Variants in FBXW4 observed in about 807,000 individuals in gnomAD.
FBXW4 encodes F-box and WD repeat domain containing 4.
Under a neutral mutation model 61.8 loss-of-function variants are expected in FBXW4, and 40 were observed. The observed-to-expected ratio is 0.65, with a 90% CI of 0.50 to 0.84. The LOEUF is 0.84. Among genes scored for constraint, FBXW4 ranks in the 40% least tolerant of loss-of-function variants. FBXW4 has a pLI of 0.00. For missense variants in FBXW4, 672 were observed against 753.8 expected, an observed-to-expected ratio of 0.89 and a Z score of 1.27; for synonymous variants, 311 against 313.8, an observed-to-expected ratio of 0.99 and a Z score of 0.10.
chr10:101,657,989 C>G (rs1198736920), intron 5 of FBXW4, among the ~76,000 whole-genome samples: 2 of 152,172 alleles, frequency 1.3e-5, no homozygotes, highest in African/African-American at 2.4e-5. Context: ...GGAAAATTCC[C>G]TAGCTCTTAA....
intron 5 of FBXW4, among the ~76,000 whole-genome samples, chr10:101,656,027 C>T (rs2064182168): frequency 6.6e-6 from 1 of 152,198 alleles, no homozygotes; most frequent in Non-Finnish European, 1.5e-5. Flanking sequence ...CACATCTCAG[C>T]TTTTTCTTCA....
At chr10:101,615,395 G>A (rs887506788) in intron 6 of FBXW4, among the ~76,000 whole-genome samples, 3 of 152,014 alleles carry the variant, frequency 2.0e-5, no homozygotes, top group South Asian at 2.1e-4. Flanking sequence ...AGCCTCCGCC[G>A]AGTCAAGTCC....
At chr10:101,639,640 A>C (rs563755375) in intron 5 of FBXW4, among the ~76,000 whole-genome samples, 1 of 152,348 alleles carries the variant, frequency 6.6e-6, no homozygotes, top group East Asian at 1.9e-4. Flanking sequence ...CAGCTGACCC[A>C]AAACTGGCCT....
intron 5 of FBXW4, among the ~76,000 whole-genome samples, chr10:101,650,003 C>G (rs1325238626): frequency 6.6e-6 from 1 of 152,160 alleles, no homozygotes; most frequent in African/African-American, 2.4e-5. Context: ...CAGACCACAC[C>G]CAGGCTGAGG....
At chr10:101,673,147 A>C in intron 3 of FBXW4, 100 bp from the exon 4 acceptor site, 1 of 1,450,726 alleles carries the variant, frequency 6.9e-7, no homozygotes, top group Non-Finnish European at 9.2e-7. Context: ...GTGACATCCA[A>C]ATTTGCTAAG....
intron 5 of FBXW4, chr10:101,659,991 G>T: frequency 4.8e-6 from 3 of 620,280 alleles, no homozygotes; most frequent in Non-Finnish European, 4.0e-6. Flanking sequence ...TCTTAGAATA[G>T]TCTGTCCCCG....
At chr10:101,615,227 G>T (rs928695168) in intron 6 of FBXW4, among the ~76,000 whole-genome samples, 1 of 152,148 alleles carries the variant, frequency 6.6e-6, no homozygotes, top group African/African-American at 2.4e-5. Flanking sequence ...CACAGCTTGT[G>T]TGGGAACAGG....
Position 101,662,234 on chromosome 10 carries a change from C to T in FBXW4, c.1235+5652G>A, listed in dbSNP as rs531780371. ...ACCACACACACAACACACAGTAAACCCTGTAGCTACTGGGAACAAACACCC... is the reference window on the plus strand; with the variant it reads ...ACCACACACACAACACACAGTAAACTCTGTAGCTACTGGGAACAAACACCC... On this transcript the variant is annotated intron_variant, in intron 5 of 8. Coordinates refer to ENST00000331272, the MANE Select transcript of FBXW4 (RefSeq NM_022039.4). Among the ~76,000 whole-genome samples, 6 of 152,294 alleles carry T rather than the reference C, an allele frequency of 3.9e-5. No individual in the cohort carries two copies. The East Asian group carries it at 9.6e-4, about 24-fold the overall frequency.
At chr10:101,655,734 A>G (rs1208125348) in intron 5 of FBXW4, among the ~76,000 whole-genome samples, 1 of 152,232 alleles carries the variant, frequency 6.6e-6, no homozygotes, top group African/African-American at 2.4e-5. Context: ...GGAGAAAGAG[A>G]CAGTGAGTCT....
At chr10:101,672,479 G>A (rs558094115) in intron 4 of FBXW4, among the ~76,000 whole-genome samples, 4 of 152,338 alleles carry the variant, frequency 2.6e-5, no homozygotes, top group Admixed American at 2.0e-4. Context: ...CAGAGAAGCA[G>A]TGAAAACACA....
In FBXW4 at chr10:101,694,422, C is replaced by T; in HGVS notation, c.684G>A (p.Arg228=). The part of the protein sequence containing the change: ...SCDLLWRRIA[R]ASLNSGFTRL... ...GCGTGAAGCCGGAGTTGAGCGAGGC[C>T]CGGGCTATCCGGCGCCAGAGCAGAT... The change falls in exon 1 of 9, where the codon CGG becomes CGA. Residue 228 remains arginine (R), a synonymous_variant. Transcript: ENST00000331272. This position sits in a 1 kb window ranked among gnomAD's most constrained non-coding sequence, Gnocchi z 6.0. The T allele has an allele frequency of 6.6e-7, 1 of 1,522,600 alleles. No homozygotes were observed. The allele number at this position is 1,522,600 out of a possible 1,614,324, so 94.3% of individuals were successfully genotyped here.
intron 1 of FBXW4, among the ~76,000 whole-genome samples, chr10:101,693,303 G>A (rs2064631608): frequency 6.6e-6 from 1 of 152,114 alleles, no homozygotes; most frequent in African/African-American, 2.4e-5. Context: ...GTATGGTAAT[G>A]ACATGTGACT....
chr10:101,614,141 G>A (rs971983932), intron 6 of FBXW4, among the ~76,000 whole-genome samples: 3 of 152,250 alleles, frequency 2.0e-5, no homozygotes, highest in Non-Finnish European at 4.4e-5. Flanking sequence ...GGTAGGGGCT[G>A]TTTGGCTCCA....
chr10:101,682,833 A>G (rs2134911491), intron 1 of FBXW4, among the ~76,000 whole-genome samples: 1 of 151,258 alleles, frequency 6.6e-6, no homozygotes, highest in East Asian at 1.9e-4. Flanking sequence ...TCAAATTTAG[A>G]CTTTGAAAAA....
intron 6 of FBXW4, among the ~76,000 whole-genome samples, chr10:101,620,461 T>G (rs1338576012): frequency 6.6e-6 from 1 of 152,298 alleles, no homozygotes; most frequent in South Asian, 2.1e-4. Flanking sequence ...GGACAGATGT[T>G]TAAACAAAGC....
intron 6 of FBXW4, chr10:101,622,812 T>C (rs539425283): frequency 1.4e-4 from 21 of 150,688 alleles, no homozygotes; most frequent in African/African-American, 4.9e-4. Context: ...GACTAATATC[T>C]AGAATACAGA....
At chr10:101,636,229 C>CG (rs1564909070) in intron 5 of FBXW4, among the ~76,000 whole-genome samples, 1 of 151,768 alleles carries the variant, frequency 6.6e-6, no homozygotes, top group Non-Finnish European at 1.5e-5. Context: ...TGGTGGCGTG[C>CG]ACCACCTAAC....
In FBXW4 at chr10:101,680,567, A is replaced by G. The variant is rs144193696; in HGVS notation, c.726-4131T>C. Among the ~76,000 whole-genome samples the G allele has an allele frequency of 4.3e-4, 65 of 152,328 alleles. No homozygotes were observed. The East Asian group carries it at 7.1e-3, about 17-fold the overall frequency. On this transcript the variant is annotated intron_variant, in intron 1 of 8. Coordinates refer to ENST00000331272, the MANE Select transcript of FBXW4 (RefSeq NM_022039.4). The stretch of plus-strand genomic sequence containing the variant: ...GATAAGGACAGTCACAGTGTTCACA[A>G]TATAAAACATTGGAGGAAACATCCC...
chr10:101,682,247 A>G (rs943335239), intron 1 of FBXW4, among the ~76,000 whole-genome samples: 4 of 152,202 alleles, frequency 2.6e-5, no homozygotes, highest in Non-Finnish European at 5.9e-5. Context: ...AGGCTGAACA[A>G]TTAGGACTTG....
Sources: allele counts gnomAD v4.1 joint callset (sites outside exome capture counted in the v4.1 genomes callset), GRCh38; gene constraint gnomAD v4.1.1; non-coding constraint Gnocchi (gnomAD v3.1); transcripts MANE v1.5; gene names NCBI Gene and HGNC (gene_info 2026-07-23, HGNC 2026-07-21).